KSR2: variants seen among roughly 807,000 people sequenced by gnomAD.
The protein encoded by KSR2 is kinase suppressor of ras 2.
In KSR2, 25 loss-of-function variants were observed where a neutral mutation model predicts 107.8. That is an observed-to-expected ratio of 0.23 (90% CI 0.17 to 0.32). The LOEUF (loss-of-function observed/expected upper bound fraction) is 0.32, where lower values mean the gene tolerates loss of function less well. KSR2 is among the 10% of genes least tolerant of loss of function. The pLI is 1.00. For missense variants in KSR2, 887 were observed against 1,268.9 expected, an observed-to-expected ratio of 0.70 and a Z score of 4.57; for synonymous variants, 480 against 507.0, an observed-to-expected ratio of 0.95 and a Z score of 0.71.
At chr12:117,804,156 G>A (rs184714039) in intron 3 of KSR2, among the ~76,000 whole-genome samples, 340 of 152,236 alleles carry the variant, frequency 2.2e-3, no homozygotes, top group Non-Finnish European at 3.6e-3. Context: ...TGATTCTCCT[G>A]CCTCGGCCTC....
intron 5 of KSR2, among the ~76,000 whole-genome samples, chr12:117,640,230 CTCT>C (rs1883294802): frequency 8.3e-6 from 1 of 120,974 alleles, no homozygotes. Context: ...TCCAATGAAG[CTCT>C]TTTTTTTTCT....
chr12:117,599,177 T>C (rs1880804313), intron 5 of KSR2, among the ~76,000 whole-genome samples: 1 of 152,182 alleles, frequency 6.6e-6, no homozygotes, highest in African/African-American at 2.4e-5. Context: ...CTTAATGATT[T>C]GACACAACTT....
intron 1 of KSR2, among the ~76,000 whole-genome samples, chr12:117,936,971 C>T (rs773833070): frequency 8.5e-5 from 13 of 152,166 alleles, no homozygotes; most frequent in Admixed American, 2.0e-4. Context: ...TGCCCAGGGA[C>T]GCCTCCTCCA....
intron 1 of KSR2, among the ~76,000 whole-genome samples, chr12:117,893,938 C>T (rs563873639): frequency 3.6e-4 from 51 of 140,388 alleles, no homozygotes; most frequent in Non-Finnish European, 6.4e-4. Flanking sequence ...GAGACGGAGT[C>T]TCGCTCTGTC....
intron 9 of KSR2, among the ~76,000 whole-genome samples, chr12:117,547,551 T>C (rs1876964015): frequency 6.6e-6 from 1 of 152,022 alleles, no homozygotes; most frequent in South Asian, 2.1e-4. Context: ...AGGGTTCAGC[T>C]TGACAAGGAT....
At chr12:117,488,300 CTAAG>C (rs1872578072) in intron 14 of KSR2, among the ~76,000 whole-genome samples, 3 of 152,228 alleles carry the variant, frequency 2.0e-5, no homozygotes, top group Admixed American at 6.5e-5. Flanking sequence ...GATTCTTCCT[CTAAG>C]TAAGTACCCA....
At chr12:117,787,404 G>A (rs1006893996) in intron 3 of KSR2, among the ~76,000 whole-genome samples, 3 of 152,126 alleles carry the variant, frequency 2.0e-5, no homozygotes, top group Non-Finnish European at 2.9e-5. Flanking sequence ...AGGCCACGGC[G>A]GGCGGATCAT....
chr12:117,773,805 G>A (rs1398072287), intron 3 of KSR2, among the ~76,000 whole-genome samples: 1 of 152,146 alleles, frequency 6.6e-6, no homozygotes, highest in African/African-American at 2.4e-5. Flanking sequence ...ATATTTGACT[G>A]GAATCACAGG....
chr12:117,511,620 T>C (rs377262717), intron 14 of KSR2, among the ~76,000 whole-genome samples: 12 of 152,348 alleles, frequency 7.9e-5, no homozygotes, highest in East Asian at 7.7e-4. Flanking sequence ...AAAAGCAGTA[T>C]CTACAAAGTC....
intron 4 of KSR2, among the ~76,000 whole-genome samples, chr12:117,739,331 G>C (rs1470067630): frequency 6.6e-6 from 1 of 152,154 alleles, no homozygotes; most frequent in African/African-American, 2.4e-5. Context: ...CTCCAGCCTG[G>C]GCGACAGAGC....
chr12:117,548,986 G>A (rs781368694), intron 9 of KSR2, among the ~76,000 whole-genome samples: 1 of 152,154 alleles, frequency 6.6e-6, no homozygotes, highest in Non-Finnish European at 1.5e-5. Flanking sequence ...CCCAGTAGAA[G>A]GCAGGGAACA....
chr12:117,574,220 T>C (rs1002636296), intron 7 of KSR2, among the ~76,000 whole-genome samples: 4 of 151,450 alleles, frequency 2.6e-5, no homozygotes, highest in Admixed American at 2.0e-4. Context: ...TAATAAACCC[T>C]CCAGGGGATT....
At chr12:117,640,396 A>G (rs1362853443) in intron 5 of KSR2, among the ~76,000 whole-genome samples, 5 of 152,050 alleles carry the variant, frequency 3.3e-5, no homozygotes, top group African/African-American at 1.2e-4. Context: ...GATTACAGGC[A>G]TGTGCCACCA....
At chr12:117,740,169 AAC>A (rs1288224825) in intron 4 of KSR2, among the ~76,000 whole-genome samples, 1 of 150,604 alleles carries the variant, frequency 6.6e-6, no homozygotes, top group African/African-American at 2.4e-5. Context: ...TATGAGTGAG[AAC>A]ATACAATGTT....
chr12:117,675,110 C>T (rs1885064730), intron 4 of KSR2, among the ~76,000 whole-genome samples: 1 of 152,202 alleles, frequency 6.6e-6, no homozygotes, highest in East Asian at 1.9e-4. Flanking sequence ...CACCTGCTCC[C>T]AGCACCACCT....
At chr12:117,916,370 C>G (rs1895175973) in intron 1 of KSR2, among the ~76,000 whole-genome samples, 2 of 152,008 alleles carry the variant, frequency 1.3e-5, no homozygotes, top group African/African-American at 4.8e-5. Context: ...CTCCCAACCT[C>G]AGGTGATCCG....
chr12:117,740,503 TA>T (rs1239664487), intron 4 of KSR2, among the ~76,000 whole-genome samples: 1 of 130,118 alleles, frequency 7.7e-6, no homozygotes, highest in East Asian at 2.0e-4. Context: ...TGTTATATAT[TA>T]CATTTATATA....
At chr12:117,687,444 A>G (rs1362630030) in intron 4 of KSR2, among the ~76,000 whole-genome samples, 1 of 152,144 alleles carries the variant, frequency 6.6e-6, no homozygotes, top group Non-Finnish European at 1.5e-5. Flanking sequence ...TGTGCTTTCA[A>G]CTTTTGCATC....
At chr12:117,927,095 G>A (rs1895540835) in intron 1 of KSR2, among the ~76,000 whole-genome samples, 1 of 152,156 alleles carries the variant, frequency 6.6e-6, no homozygotes, top group Admixed American at 6.5e-5. Context: ...ACCATGGCCG[G>A]GCACGGTGGC....
Sources: gnomAD v4.1 joint callset for allele counts (sites outside exome capture counted in the v4.1 genomes callset) on GRCh38, gnomAD v4.1.1 for gene constraint, MANE v1.5 for transcripts, NCBI Gene and HGNC (gene_info 2026-07-23, HGNC 2026-07-21) for gene names.